ITPR2: variants seen among roughly 807,000 people sequenced by gnomAD.
The protein encoded by ITPR2 is inositol 1,4,5-trisphosphate-gated calcium channel ITPR2.
Under a neutral mutation model 317.1 loss-of-function variants are expected in ITPR2, and 207 were observed. That is an observed-to-expected ratio of 0.65 (90% confidence interval 0.58 to 0.73). The LOEUF (loss-of-function observed/expected upper bound fraction) is 0.73, where lower values mean the gene tolerates loss of function less well. Among genes scored for constraint, ITPR2 ranks in the 30% least tolerant of loss-of-function variants. The pLI is 0.00. For synonymous variants in ITPR2, 1,156 were observed against 1,149.1 expected (o/e 1.01, Z -0.12); for missense variants, 2,613 against 3,284.0 (o/e 0.80, Z 4.99).
intron 21 of ITPR2, among the ~76,000 whole-genome samples, chr12:26,639,072 A>AT (rs1183364792): frequency 3.3e-5 from 5 of 152,176 alleles, no homozygotes; most frequent in Admixed American, 1.3e-4. Flanking sequence ...CAAATCAGTG[A>AT]TAAATTAGAT....
intron 2 of ITPR2, among the ~76,000 whole-genome samples, chr12:26,744,072 G>C (rs141184560): frequency 4.9e-4 from 74 of 152,318 alleles, no homozygotes; most frequent in Non-Finnish European, 7.4e-4. Flanking sequence ...GCCCATGCCC[G>C]ACTGTGGATT....
intron 46 of ITPR2, among the ~76,000 whole-genome samples, chr12:26,442,913 G>T (rs1232815673): frequency 6.6e-6 from 1 of 152,102 alleles, no homozygotes; most frequent in Non-Finnish European, 1.5e-5. Flanking sequence ...GATTAGCTCT[G>T]CCAGCCAGTG....
At chr12:26,654,170 G>T in intron 20 of ITPR2, 44 bp from the exon 21 acceptor site, 3 of 1,477,514 alleles carry the variant, frequency 2.0e-6, no homozygotes, top group Non-Finnish European at 1.8e-6. Context: ...GTGAAAGAGT[G>T]GAAAAAAAAA....
At chr12:26,364,822 C>T (rs1565489563) in intron 55 of ITPR2, among the ~76,000 whole-genome samples, 1 of 152,142 alleles carries the variant, frequency 6.6e-6, no homozygotes, top group Non-Finnish European at 1.5e-5. Flanking sequence ...TTACTACCCC[C>T]AATTTGTTCT....
chr12:26,726,409 T>C (rs1355688354), intron 2 of ITPR2, among the ~76,000 whole-genome samples: 3 of 152,104 alleles, frequency 2.0e-5, no homozygotes, highest in Non-Finnish European at 2.9e-5. Context: ...AGAAGCAAAA[T>C]ATACGTTTTA....
In ITPR2 at chr12:26,600,108, T is replaced by C. The variant is rs759571023; in HGVS notation, c.3680A>G (p.Asn1227Ser). 5 of 1,607,282 alleles carry C rather than the reference T, an allele frequency of 3.1e-6. No individual in the cohort carries two copies. The highest frequency in any genetic ancestry group is 4.3e-6 in the Non-Finnish European group (5 of 1,175,630). Reference sequence around the variant, plus strand: ...CATTACTTCATTCATCTTTTCATCATTCTGTAAGTTAAAGAATAGCACATG... The same window carrying C: ...CATTACTTCATTCATCTTTTCATCACTCTGTAAGTTAAAGAATAGCACATG... Reference protein sequence around the residue: ...LDLLQIPYEKNDEKMNEVMNL... With the variant: ...LDLLQIPYEKSDEKMNEVMNL... Residue 1227 changes from asparagine to serine, a missense_variant and splice_region_variant, in exon 29 of 57, where the codon AAT becomes AGT. Around this residue, in one of 9 missense-constraint regions of ITPR2, gnomAD observed 817 missense variants for 897.6 expected, o/e 0.91. Coordinates refer to ENST00000381340, the MANE Select transcript of ITPR2 (RefSeq NM_002223.4).
chr12:26,682,436 G>C (rs1321701185), intron 12 of ITPR2, 138 bp downstream of exon 12: 8 of 623,814 alleles, frequency 1.3e-5, no homozygotes, highest in East Asian at 8.5e-5. Flanking sequence ...AGACATGCAT[G>C]CTTGATGAAA....
intron 37 of ITPR2, among the ~76,000 whole-genome samples, chr12:26,537,469 T>C (rs1944130398): frequency 1.3e-5 from 2 of 152,210 alleles, no homozygotes; most frequent in South Asian, 4.1e-4. Flanking sequence ...TTCTGGTGAA[T>C]GTTTCCCTGA....
intron 43 of ITPR2, among the ~76,000 whole-genome samples, chr12:26,480,319 A>C (rs1249116101): frequency 1.3e-5 from 2 of 152,194 alleles, no homozygotes; most frequent in East Asian, 3.8e-4. Flanking sequence ...GGCTTAAACT[A>C]AAGAAACCTC....
intron 17 of ITPR2, 50 bp from the exon 18 acceptor site, chr12:26,657,942 A>C (rs1366697034): frequency 6.2e-7 from 1 of 1,605,300 alleles, no homozygotes; most frequent in South Asian, 1.1e-5. Flanking sequence ...ACACTTGTAA[A>C]TATGACAAAG....
chr12:26,597,705 TAGGTAGGGTC>T (rs1945883302), intron 30 of ITPR2, among the ~76,000 whole-genome samples: 1 of 152,078 alleles, frequency 6.6e-6, no homozygotes, highest in Non-Finnish European at 1.5e-5. Context: ...AAGATATGAA[TAGGTAGGGTC>T]TTTTAAGACA....
intron 1 of ITPR2, among the ~76,000 whole-genome samples, chr12:26,791,717 A>C (rs1950344500): frequency 6.6e-6 from 1 of 152,210 alleles, no homozygotes; most frequent in Non-Finnish European, 1.5e-5. Flanking sequence ...AGAAACAGGA[A>C]GTCACATTGG....
chr12:26,407,450 C>A (rs1940389181), intron 52 of ITPR2, among the ~76,000 whole-genome samples: 1 of 151,966 alleles, frequency 6.6e-6, no homozygotes, highest in Admixed American at 6.6e-5. Context: ...GTTGTGACAA[C>A]AGACATGTCT....
intron 45 of ITPR2, among the ~76,000 whole-genome samples, chr12:26,468,556 A>AC (rs781279674): frequency 6.8e-6 from 1 of 147,524 alleles, no homozygotes; most frequent in African/African-American, 2.5e-5. Context: ...GCACTGAACA[A>AC]ATATAGAAAC....
At chr12:26,452,962 T>C (rs1941775870) in intron 45 of ITPR2, among the ~76,000 whole-genome samples, 1 of 152,168 alleles carries the variant, frequency 6.6e-6, no homozygotes, top group South Asian at 2.1e-4. Context: ...GTTTGTATAA[T>C]TATATGTAAT....
chr12:26,498,619 A>G (rs1942999484), intron 37 of ITPR2, among the ~76,000 whole-genome samples: 1 of 152,162 alleles, frequency 6.6e-6, no homozygotes, highest in African/African-American at 2.4e-5. Flanking sequence ...TTGTTGTACT[A>G]TTCATGGATC....
At chr12:26,426,617 T>G (rs530639558) in intron 49 of ITPR2, among the ~76,000 whole-genome samples, 20 of 152,246 alleles carry the variant, frequency 1.3e-4, no homozygotes, top group African/African-American at 4.6e-4. Flanking sequence ...ACACTTCCCT[T>G]TATTGACAAT....
rs373391131 is a variant in ITPR2, at chr12:26,633,092, C to T, written c.2741-1033G>A. Among the ~76,000 whole-genome samples the T allele has an allele frequency of 1.1e-4, 16 of 150,456 alleles. No homozygotes were observed. In the East Asian group the frequency reaches 1.8e-3, roughly 17 times the overall value. ...TTTCCTTTCCCTCAGTGTCTCAGGG[C>T]GTAAACCAAGAGAAAGAGAAATGGA... is the stretch of plus-strand genomic sequence containing the variant. On this transcript the variant is annotated intron_variant, in intron 21 of 56. Coordinates refer to ENST00000381340, the MANE Select transcript of ITPR2 (RefSeq NM_002223.4).
rs1481494812 is a variant in ITPR2 at position 26,400,022 on chromosome 12, TG to T, written c.7530+105del. 3.4e-6 allele frequency: 4 copies of T among 1,181,412 alleles called. No homozygotes were observed. The Admixed American group carries it at 1.0e-4, about 30-fold the overall frequency. 73.2% of individuals were successfully genotyped at this position (1,181,412 alleles called of 1,614,324 possible). Reference sequence around the variant, plus strand: ...GCCATGGTTATACTTTTAAAGCAAATGGTACAATATATTTTCCTGAAAACCA... The same window carrying T: ...GCCATGGTTATACTTTTAAAGCAAATGTACAATATATTTTCCTGAAAACCA... On this transcript the variant is annotated intron_variant, in intron 53 of 56. Transcript: ENST00000381340.
Sources: allele counts gnomAD v4.1 joint callset (sites outside exome capture counted in the v4.1 genomes callset), GRCh38; gene constraint gnomAD v4.1.1; regional missense constraint gnomAD v4.1.1; transcripts MANE v1.5; gene names NCBI Gene and HGNC (gene_info 2026-07-23, HGNC 2026-07-21).